ENOX1: variants seen among roughly 807,000 people sequenced by gnomAD.
The protein encoded by ENOX1 is ecto-NOX disulfide-thiol exchanger 1.
ENOX1 carries 42 observed loss-of-function variants against 82.5 expected under a neutral mutation model. The ratio of observed to expected loss-of-function variants is 0.51; its 90% CI spans 0.40 to 0.66. ENOX1 has a LOEUF of 0.66. Ranked by LOEUF, ENOX1 falls within the 30% of genes least tolerant of loss-of-function variation. ENOX1 has a pLI of 0.00. For synonymous variants in ENOX1, 271 were observed against 282.2 expected (o/e 0.96, Z 0.40); for missense variants, 608 against 811.6 (o/e 0.75, Z 3.05).
chr13:43,652,751 G>A (rs562953572), intron 2 of ENOX1, among the ~76,000 whole-genome samples: 3 of 152,178 alleles, frequency 2.0e-5, no homozygotes, highest in African/African-American at 7.2e-5. Flanking sequence ...GGGCAGGAAG[G>A]TCTGGGAGGC....
At chr13:43,312,361 A>G (rs1006155401) in intron 11 of ENOX1, among the ~76,000 whole-genome samples, 1 of 152,196 alleles carries the variant, frequency 6.6e-6, no homozygotes, top group Non-Finnish European at 1.5e-5. Context: ...ATAAGTCTTG[A>G]AATTAGATGG....
chr13:43,415,402 C>T (rs938747801), intron 3 of ENOX1, among the ~76,000 whole-genome samples: 1 of 151,926 alleles, frequency 6.6e-6, no homozygotes, highest in African/African-American at 2.4e-5. Flanking sequence ...CGGCCTTCCG[C>T]AGTGTTTGTG....
chr13:43,658,252 T>C (rs757037924), intron 2 of ENOX1, among the ~76,000 whole-genome samples: 15 of 152,250 alleles, frequency 9.9e-5, no homozygotes, highest in Non-Finnish European at 1.8e-4. Flanking sequence ...TCCTACATTA[T>C]TTAGTATCAG....
intron 1 of ENOX1, among the ~76,000 whole-genome samples, chr13:43,737,969 T>C (rs943127046): frequency 2.6e-5 from 4 of 152,248 alleles, no homozygotes; most frequent in African/African-American, 7.2e-5. Flanking sequence ...ATTTGAGCTA[T>C]GATTTTAAAC....
At chr13:43,785,199 A>G (rs1474996492) in intron 1 of ENOX1, among the ~76,000 whole-genome samples, 1 of 152,228 alleles carries the variant, frequency 6.6e-6, no homozygotes. Flanking sequence ...CGCTAGTAAA[A>G]CAAAAGCAGA....
chr13:43,303,428 C>T (rs944157648), intron 11 of ENOX1, among the ~76,000 whole-genome samples: 1 of 152,230 alleles, frequency 6.6e-6, no homozygotes, highest in African/African-American at 2.4e-5. Context: ...CATTATCACG[C>T]TGTGTACTCA....
intron 2 of ENOX1, among the ~76,000 whole-genome samples, chr13:43,635,716 A>C (rs1398041174): frequency 6.6e-6 from 1 of 152,206 alleles, no homozygotes; most frequent in Non-Finnish European, 1.5e-5. Flanking sequence ...AGGAAGGGCC[A>C]CAACTTGCAT....
chr13:43,251,380 G>A (rs2043445746), intron 14 of ENOX1, among the ~76,000 whole-genome samples: 1 of 152,204 alleles, frequency 6.6e-6, no homozygotes, highest in Non-Finnish European at 1.5e-5. Flanking sequence ...TGAGGCTGCT[G>A]CACTTCCATC....
chr13:43,737,660 T>C (rs1249575324), intron 1 of ENOX1, among the ~76,000 whole-genome samples: 3 of 152,184 alleles, frequency 2.0e-5, no homozygotes, highest in Non-Finnish European at 4.4e-5. Context: ...CTGAATAATA[T>C]ATTCACAACT....
At chr13:43,256,434 G>A (rs979410733) in intron 14 of ENOX1, among the ~76,000 whole-genome samples, 6 of 151,874 alleles carry the variant, frequency 4.0e-5, no homozygotes, top group Non-Finnish European at 8.8e-5. Context: ...CGTAATATAA[G>A]GAATTAAAAC....
At chr13:43,679,888 C>T (rs2085700924) in intron 1 of ENOX1, among the ~76,000 whole-genome samples, 1 of 152,206 alleles carries the variant, frequency 6.6e-6, no homozygotes, top group Non-Finnish European at 1.5e-5. Flanking sequence ...CTTTCTCTCA[C>T]CTGAATACCA....
intron 3 of ENOX1, among the ~76,000 whole-genome samples, chr13:43,429,884 CAT>C (rs2055555635): frequency 2.6e-5 from 4 of 152,108 alleles, no homozygotes; most frequent in Non-Finnish European, 1.5e-5. Flanking sequence ...ATATAATAAA[CAT>C]AATACAATTA....
At chr13:43,371,256 A>G (rs1461544576) in intron 5 of ENOX1, among the ~76,000 whole-genome samples, 1 of 152,200 alleles carries the variant, frequency 6.6e-6, no homozygotes, top group Non-Finnish European at 1.5e-5. Flanking sequence ...ATTGAGAAAT[A>G]TTTTTGAACA....
At chr13:43,357,594 C>G (rs148480666) in intron 7 of ENOX1, among the ~76,000 whole-genome samples, 1 of 152,170 alleles carries the variant, frequency 6.6e-6, no homozygotes, top group South Asian at 2.1e-4. Flanking sequence ...CAGTGATACA[C>G]GCATAACAGC....
At chr13:43,225,024 G>A (rs2041961439) in intron 15 of ENOX1, among the ~76,000 whole-genome samples, 1 of 152,152 alleles carries the variant, frequency 6.6e-6, no homozygotes, top group Non-Finnish European at 1.5e-5. Flanking sequence ...ATCAGCTCAG[G>A]TGCCCATCAG....
chr13:43,497,387 G>GT (rs2076831386), intron 2 of ENOX1, among the ~76,000 whole-genome samples: 1 of 152,076 alleles, frequency 6.6e-6, no homozygotes, highest in East Asian at 1.9e-4. Flanking sequence ...TTAGTTGAAG[G>GT]TTTTTCACAG....
At chr13:43,416,322 G>A (rs373126496) in intron 3 of ENOX1, among the ~76,000 whole-genome samples, 150 of 84,538 alleles carry the variant, frequency 1.8e-3, no homozygotes, top group African/African-American at 4.9e-3. Context: ...CGGGGCGGCC[G>A]GGCAGAGGCG....
intron 2 of ENOX1, among the ~76,000 whole-genome samples, chr13:43,528,238 T>C (rs981164284): frequency 3.3e-5 from 5 of 152,088 alleles, no homozygotes; most frequent in Non-Finnish European, 5.9e-5. Context: ...ATATAAAGGG[T>C]ACAGAAGCCA....
intron 5 of ENOX1, among the ~76,000 whole-genome samples, chr13:43,387,651 T>C (rs1354238279): frequency 6.6e-6 from 1 of 152,080 alleles, no homozygotes; most frequent in Non-Finnish European, 1.5e-5. Flanking sequence ...GTAGTTTTAA[T>C]TTTATTCTGA....
Sources: gnomAD v4.1 joint callset for allele counts (sites outside exome capture counted in the v4.1 genomes callset) on GRCh38, gnomAD v4.1.1 for gene constraint, MANE v1.5 for transcripts, NCBI Gene and HGNC (gene_info 2026-07-23, HGNC 2026-07-21) for gene names.